Variants in NTRK3 observed in about 807,000 individuals in gnomAD.
NTRK3 encodes the protein NT-3 growth factor receptor.
Under a neutral mutation model 91.7 loss-of-function variants are expected in NTRK3, and 24 were observed. The ratio of observed to expected loss-of-function variants is 0.26; its 90% CI spans 0.19 to 0.37. The LOEUF is 0.37. NTRK3 is among the 10% of genes least tolerant of loss of function. NTRK3 has a pLI of 1.00. For missense variants in NTRK3, 880 were observed against 1,068.9 expected (o/e 0.82, Z 2.46); for synonymous variants, 483 against 404.0 (o/e 1.20, Z -2.34).
At chr15:87,911,476 G>A (rs2067084063) in intron 17 of NTRK3, among the ~76,000 whole-genome samples, 1 of 152,184 alleles carries the variant, frequency 6.6e-6, no homozygotes, top group African/African-American at 2.4e-5. Flanking sequence ...GAAACCCAAT[G>A]GGGATGGAGA....
intron 14 of NTRK3, among the ~76,000 whole-genome samples, chr15:88,015,212 C>T (rs2077144963): frequency 6.6e-6 from 1 of 152,192 alleles, no homozygotes; most frequent in Non-Finnish European, 1.5e-5. Context: ...TAGTCATCAC[C>T]TACTTCTGAG....
intron 14 of NTRK3, among the ~76,000 whole-genome samples, chr15:87,970,765 G>T (rs1194973462): frequency 2.0e-5 from 3 of 152,136 alleles, no homozygotes; most frequent in African/African-American, 7.2e-5. Flanking sequence ...CAATAAAAAG[G>T]GGAGCACTTG....
At chr15:87,940,654 G>A (rs767613437) in exon 15 of NTRK3, 23 of 1,613,906 alleles carry the variant, frequency 1.4e-5, no homozygotes, top group African/African-American at 5.3e-5. Flanking sequence ...GTCCTTGGTC[G>A]GGCTGAGGTT....
intron 14 of NTRK3, among the ~76,000 whole-genome samples, chr15:87,986,823 A>T (rs1262101257): frequency 6.6e-6 from 1 of 152,248 alleles, no homozygotes; most frequent in East Asian, 1.9e-4. Flanking sequence ...CAGATAGAAA[A>T]TATTTTAGGC....
intron 5 of NTRK3, among the ~76,000 whole-genome samples, chr15:88,167,911 G>A (rs2045138523): frequency 6.6e-6 from 1 of 152,186 alleles, no homozygotes; most frequent in South Asian, 2.1e-4. Flanking sequence ...CCTAATATTT[G>A]TAAGAAACTT....
intron 14 of NTRK3, among the ~76,000 whole-genome samples, chr15:88,011,025 A>G (rs774161686): frequency 2.0e-5 from 3 of 152,178 alleles, no homozygotes; most frequent in Non-Finnish European, 4.4e-5. Context: ...CCTTTTGGAC[A>G]TGTTTTTCTT....
At position 88,003,690 on chromosome 15, in the gene NTRK3, T is replaced by C. The variant is rs2076277623; in HGVS notation, c.1585+29167A>G. 1.3e-5 allele frequency among the ~76,000 whole-genome samples: 2 copies of C among 152,244 alleles called. 1 individual carries two copies. Among genetic ancestry groups the C allele is most frequent in the South Asian group, 4.1e-4 (2 of 4,824 alleles). The stretch of plus-strand genomic sequence containing the variant: ...GTGGAACAAAGTTTCAACCAGGGAA[T>C]CACTCATTGCTAAGCCAATATAACA... On this transcript the variant is annotated intron_variant, in intron 14 of 18. Transcript: ENST00000394480.
intron 17 of NTRK3, among the ~76,000 whole-genome samples, chr15:87,919,252 ATTCTAGT>A (rs1278653215): frequency 6.6e-6 from 1 of 152,182 alleles, no homozygotes; most frequent in Non-Finnish European, 1.5e-5. Context: ...CTACTCCTGC[ATTCTAGT>A]TCCCACATTT....
At chr15:88,103,893 C>T (rs1459160995) in intron 13 of NTRK3, among the ~76,000 whole-genome samples, 1 of 152,184 alleles carries the variant, frequency 6.6e-6, no homozygotes, top group Non-Finnish European at 1.5e-5. Flanking sequence ...TGGAGCAGCA[C>T]AACCAGGAAT....
chr15:88,044,396 G>A (rs931176730), intron 13 of NTRK3, among the ~76,000 whole-genome samples: 2 of 151,460 alleles, frequency 1.3e-5, no homozygotes, highest in Non-Finnish European at 2.9e-5. Flanking sequence ...GAGTAGCTGG[G>A]ACTAAAGGCA....
chr15:87,904,850 G>C (rs1035193970), intron 17 of NTRK3, among the ~76,000 whole-genome samples: 6 of 152,198 alleles, frequency 3.9e-5, no homozygotes, highest in African/African-American at 1.4e-4. Context: ...ACTGTGTTGA[G>C]ATGCGTTAAT....
chr15:88,044,836 C>T (rs994167282), intron 13 of NTRK3, among the ~76,000 whole-genome samples: 10 of 152,178 alleles, frequency 6.6e-5, no homozygotes, highest in Non-Finnish European at 1.0e-4. Context: ...CATCTTATAT[C>T]AGACAAAGAG....
rs962092126 is a variant in NTRK3 at position 87,946,250 on chromosome 15, G to A, written c.1586-5497C>T. On this transcript the variant is annotated intron_variant, in intron 14 of 18. Transcript: ENST00000394480. ...TCCTTCAGAGGCCAAAACAGTTTGC[G>A]GGAGGAGGTTGGTCAGACAGTGGAA... is the stretch of plus-strand genomic sequence containing the variant. 1.2e-4 allele frequency: 19 copies of A among 152,226 alleles called. No homozygotes were observed. The East Asian group carries it at 1.7e-3, about 14-fold the overall frequency. The allele number at this position is 152,226 out of a possible 1,614,324, so 9.4% of individuals were successfully genotyped here. A position where few individuals can be genotyped will look rare whatever the true frequency, so the allele number is the denominator to read the frequency against.
intron 3 of NTRK3, among the ~76,000 whole-genome samples, chr15:88,197,837 C>G (rs74027799): frequency 0.018 from 2,671 of 152,254 alleles, 70 homozygotes; most frequent in African/African-American, 0.061. Context: ...GCCGTCTCCC[C>G]TCTGGTTCTT....
intron 3 of NTRK3, among the ~76,000 whole-genome samples, chr15:88,242,661 C>T (rs1020416225): frequency 6.6e-6 from 1 of 152,164 alleles, no homozygotes; most frequent in Non-Finnish European, 1.5e-5. Context: ...TGGTGCTAGG[C>T]GCTAGGATGA....
intron 14 of NTRK3, among the ~76,000 whole-genome samples, chr15:88,013,449 A>G (rs2077021240): frequency 6.6e-6 from 1 of 152,220 alleles, no homozygotes. Flanking sequence ...TTTCCACAGA[A>G]ACAATGAAAT....
Position 88,157,766 on chromosome 15 carries a change from T to C in NTRK3, c.396-10363A>G, listed in dbSNP as rs542529220. On this transcript the variant is annotated intron_variant, in intron 5 of 18. Coordinates refer to ENST00000394480, the Ensembl canonical transcript of NTRK3. ...GTTTGTGTCACCAGGCAAGTCACTG[T>C]TGGAGCCAGGACCCGGAGTCCTGGA... is the stretch of plus-strand genomic sequence containing the variant. Among the ~76,000 whole-genome samples the C allele has an allele frequency of 1.5e-3, 225 of 152,072 alleles. 2 individuals are homozygous for C. The highest frequency in any genetic ancestry group is 5.1e-3 in the African/African-American group (213 of 41,490).
intron 13 of NTRK3, among the ~76,000 whole-genome samples, chr15:88,066,287 A>T (rs2046643211): frequency 6.6e-6 from 1 of 152,200 alleles, no homozygotes; most frequent in African/African-American, 2.4e-5. Flanking sequence ...TTCCTCCTCC[A>T]TGACAGTAGA....
At position 88,016,655 on chromosome 15, in the gene NTRK3, A is replaced by C. The variant is rs778657110; in HGVS notation, c.1585+16202T>G. Among the ~76,000 whole-genome samples, 3 of 152,238 alleles carry C rather than the reference A, an allele frequency of 2.0e-5. No homozygotes were observed. The East Asian group carries it at 5.8e-4, about 29-fold the overall frequency. ...CTGTAAGATGATGGATACTTTTAAT[A>C]CAAGAGACCTGTCATTTATTTATTA... On this transcript the variant is annotated intron_variant, in intron 14 of 18. Transcript: ENST00000394480.
Sources: gnomAD v4.1 joint callset for allele counts (sites outside exome capture counted in the v4.1 genomes callset) on GRCh38, gnomAD v4.1.1 for gene constraint, MANE v1.5 for transcripts, NCBI Gene and HGNC (gene_info 2026-07-23, HGNC 2026-07-21) for gene names.